Variants in GBE1 observed in about 807,000 individuals in gnomAD.
GBE1 encodes the protein 1,4-alpha-glucan-branching enzyme.
A neutral mutation model predicts 88.8 loss-of-function variants in GBE1; 70 were observed. The ratio of observed to expected loss-of-function variants is 0.79; its 90% CI spans 0.65 to 0.96. GBE1 has a LOEUF of 0.96. GBE1 is among the 40% of genes least tolerant of loss of function. The probability of loss-of-function intolerance (pLI) is 0.00; values close to 1 mark genes in which losing one functional copy is unlikely to be tolerated. For synonymous variants in GBE1, 284 were observed against 300.1 expected, an observed-to-expected ratio of 0.95 and a Z score of 0.56; for missense variants, 872 against 871.0, an observed-to-expected ratio of 1.00 and a Z score of -0.01.
chr3:81,747,969 A>C (rs973960976), intron 1 of GBE1, among the ~76,000 whole-genome samples: 1 of 152,182 alleles, frequency 6.6e-6, no homozygotes. Flanking sequence ...TGGTCTCTTC[A>C]CACGGACGCG....
chr3:81,707,846 T>C (rs1251257172), intron 1 of GBE1, among the ~76,000 whole-genome samples: 2 of 152,054 alleles, frequency 1.3e-5, no homozygotes, highest in Non-Finnish European at 2.9e-5. Context: ...TTCTCATGTC[T>C]CATTATAGTA....
intron 12 of GBE1, among the ~76,000 whole-genome samples, chr3:81,555,106 G>T (rs1703329358): frequency 1.3e-5 from 2 of 152,180 alleles, no homozygotes; most frequent in African/African-American, 4.8e-5. Context: ...AGAAGAAAAG[G>T]TTCTCAGTGT....
At position 81,499,108 on chromosome 3, in the gene GBE1, A is replaced by G. The variant is rs375596642; in HGVS notation, c.2052+2T>C. On this transcript the variant is annotated splice_donor_variant, in intron 15 of 15. Transcript: ENST00000429644. LOFTEE classifies it high-confidence loss of function. ...AGGAAATATGTTGAGAAACTTACTT[A>G]CCAAAAGAGAATAGGGACGCCCATT... 2.6e-6 allele frequency: 4 copies of G among 1,514,918 alleles called. No individual in the cohort carries two copies. The highest frequency in any genetic ancestry group is 1.4e-5 in the African/African-American group (1 of 72,922). 93.8% of individuals were successfully genotyped at this position (1,514,918 alleles called of 1,614,324 possible).
chr3:81,749,581 T>A (rs759297133), intron 1 of GBE1, among the ~76,000 whole-genome samples: 5 of 152,312 alleles, frequency 3.3e-5, no homozygotes, highest in Non-Finnish European at 5.9e-5. Context: ...GATAAAATTG[T>A]ATAGAAGTGT....
At chr3:81,719,247 T>A (rs1002249530) in intron 1 of GBE1, among the ~76,000 whole-genome samples, 9 of 152,092 alleles carry the variant, frequency 5.9e-5, no homozygotes, top group African/African-American at 2.2e-4. Flanking sequence ...GACAGAGTTT[T>A]ATTCTGTCTT....
intron 14 of GBE1, among the ~76,000 whole-genome samples, chr3:81,515,405 A>T (rs1347797662): frequency 6.6e-6 from 1 of 151,566 alleles, no homozygotes; most frequent in East Asian, 1.9e-4. Context: ...TTGGGGCACC[A>T]CAAATCATGC....
chr3:81,545,139 C>T (rs1433849007), intron 12 of GBE1, among the ~76,000 whole-genome samples: 1 of 152,024 alleles, frequency 6.6e-6, no homozygotes, highest in Non-Finnish European at 1.5e-5. Flanking sequence ...TTTGGCTTTT[C>T]TCTGGTATTG....
chr3:81,735,993 G>A (rs1706252843), intron 1 of GBE1, among the ~76,000 whole-genome samples: 1 of 152,124 alleles, frequency 6.6e-6, no homozygotes, highest in South Asian at 2.1e-4. Context: ...AGCCTACTAT[G>A]AAAATGATAG....
intron 2 of GBE1, among the ~76,000 whole-genome samples, chr3:81,680,323 C>T (rs1190443872): frequency 6.6e-6 from 1 of 151,940 alleles, no homozygotes; most frequent in African/African-American, 2.4e-5. Flanking sequence ...GAAACACCGT[C>T]TCTACTAAAA....
intron 1 of GBE1, among the ~76,000 whole-genome samples, chr3:81,759,120 C>T (rs1399376965): frequency 2.0e-5 from 3 of 152,226 alleles, no homozygotes; most frequent in Non-Finnish European, 4.4e-5. Context: ...CAATAAACCT[C>T]TTCCTTTTGT....
chr3:81,742,666 G>A (rs1255976091), intron 1 of GBE1, among the ~76,000 whole-genome samples: 1 of 152,068 alleles, frequency 6.6e-6, no homozygotes, highest in African/African-American at 2.4e-5. Context: ...AAATCATGTT[G>A]GGCCTGAGGC....
At chr3:81,510,512 T>G (rs1173426890) in intron 14 of GBE1, among the ~76,000 whole-genome samples, 1 of 152,102 alleles carries the variant, frequency 6.6e-6, no homozygotes, top group Non-Finnish European at 1.5e-5. Flanking sequence ...ATCTGCATCA[T>G]CACTTCAGTC....
At chr3:81,573,850 T>C (rs1407884551) in intron 12 of GBE1, among the ~76,000 whole-genome samples, 1 of 152,068 alleles carries the variant, frequency 6.6e-6, no homozygotes, top group Non-Finnish European at 1.5e-5. Flanking sequence ...TCTGATGCTC[T>C]ATCTGATGCA....
At chr3:81,710,316 G>T (rs1393403163) in intron 1 of GBE1, among the ~76,000 whole-genome samples, 2 of 128,662 alleles carry the variant, frequency 1.6e-5, no homozygotes, top group Non-Finnish European at 3.1e-5. Flanking sequence ...CTCACTACAA[G>T]CTCCGCCTCC....
At chr3:81,684,197 A>C (rs1705397616) in intron 2 of GBE1, among the ~76,000 whole-genome samples, 1 of 152,116 alleles carries the variant, frequency 6.6e-6, no homozygotes, top group African/African-American at 2.4e-5. Flanking sequence ...TATTTGAATC[A>C]TGTTAGTCTG....
At chr3:81,686,838 G>A (rs2107138550) in intron 2 of GBE1, among the ~76,000 whole-genome samples, 1 of 152,176 alleles carries the variant, frequency 6.6e-6, no homozygotes, top group South Asian at 2.1e-4. Flanking sequence ...TAATGCCTTA[G>A]TATAAAATCT....
chr3:81,738,620 A>G (rs1706307465), intron 1 of GBE1, among the ~76,000 whole-genome samples: 1 of 152,180 alleles, frequency 6.6e-6, no homozygotes, highest in South Asian at 2.1e-4. Flanking sequence ...ATAAATCTAA[A>G]GAAAAATTCT....
intron 7 of GBE1, among the ~76,000 whole-genome samples, chr3:81,636,530 T>C (rs1239635168): frequency 3.3e-5 from 5 of 151,630 alleles, no homozygotes; most frequent in African/African-American, 1.2e-4. Flanking sequence ...CATTTGTTTT[T>C]TGGCTTTTTT....
At chr3:81,619,849 A>G (rs942837666) in intron 7 of GBE1, among the ~76,000 whole-genome samples, 2 of 152,074 alleles carry the variant, frequency 1.3e-5, no homozygotes, top group African/African-American at 4.8e-5. Context: ...GTGAGGAAAC[A>G]AAATACCATT....
Sources: gnomAD v4.1 joint callset for allele counts (sites outside exome capture counted in the v4.1 genomes callset) on GRCh38, gnomAD v4.1.1 for gene constraint, MANE v1.5 for transcripts, NCBI Gene and HGNC (gene_info 2026-07-23, HGNC 2026-07-21) for gene names.